Variants in ERBB4 observed in about 807,000 individuals in gnomAD.
ERBB4 encodes erb-b2 receptor tyrosine kinase 4, also known as receptor tyrosine-protein kinase erbB-4.
Under a neutral mutation model 158.0 loss-of-function variants are expected in ERBB4, and 42 were observed. The observed-to-expected ratio is 0.27, with a 90% CI of 0.21 to 0.34. The LOEUF (loss-of-function observed/expected upper bound fraction) is 0.34, where lower values mean the gene tolerates loss of function less well. Among genes scored for constraint, ERBB4 ranks in the 10% least tolerant of loss-of-function variants. The pLI is 1.00. For missense variants in ERBB4, 1,333 were observed against 1,624.1 expected, an observed-to-expected ratio of 0.82 and a Z score of 3.08; for synonymous variants, 583 against 558.7, an observed-to-expected ratio of 1.04 and a Z score of -0.61.
intron 5 of ERBB4, among the ~76,000 whole-genome samples, chr2:211,731,778 A>G (rs1187083416): frequency 6.6e-6 from 1 of 152,178 alleles, no homozygotes. Context: ...AAGCTCACAG[A>G]CCATCCAAGA....
At chr2:211,459,650 C>G (rs1041295557) in intron 20 of ERBB4, among the ~76,000 whole-genome samples, 1 of 152,150 alleles carries the variant, frequency 6.6e-6, no homozygotes, top group African/African-American at 2.4e-5. Context: ...TCTCTCTTTG[C>G]CTGCTGCCAT....
In ERBB4 at chr2:211,379,391, G is replaced by C. The variant is rs1345749757; in HGVS notation, c.*4224C>G. 1 of 228,610 alleles carries C rather than the reference G, an allele frequency of 4.4e-6. No homozygotes were observed. The highest frequency in any genetic ancestry group is 8.7e-6 in the Non-Finnish European group (1 of 115,372). 14.2% of individuals were successfully genotyped at this position (228,610 alleles called of 1,614,324 possible). ...ATACAATTTTCTTTACATTTAAAAA[G>C]TGATAAAGGAATAAGAGAATGAGAA... On this transcript the variant is annotated 3_prime_UTR_variant, in exon 28 of 28. Coordinates refer to ENST00000342788, the MANE Select transcript of ERBB4 (RefSeq NM_005235.3).
At chr2:211,729,753 C>T (rs1282359944) in intron 5 of ERBB4, among the ~76,000 whole-genome samples, 3 of 151,846 alleles carry the variant, frequency 2.0e-5, no homozygotes, top group Non-Finnish European at 2.9e-5. Flanking sequence ...TCTATAGGAA[C>T]ATTAACTTAT....
chr2:211,574,734 T>C (rs572664215), intron 19 of ERBB4, among the ~76,000 whole-genome samples: 1 of 152,280 alleles, frequency 6.6e-6, no homozygotes, highest in South Asian at 2.1e-4. Context: ...AAGAAATAAT[T>C]ATTAACATTC....
At chr2:212,116,874 C>G (rs1176530121) in intron 2 of ERBB4, among the ~76,000 whole-genome samples, 2 of 151,928 alleles carry the variant, frequency 1.3e-5, no homozygotes, top group Non-Finnish European at 2.9e-5. Flanking sequence ...GAAAGAGCAT[C>G]AGAATTTTGA....
intron 2 of ERBB4, among the ~76,000 whole-genome samples, chr2:211,996,686 C>T (rs1050755738): frequency 3.9e-5 from 6 of 152,136 alleles, no homozygotes; most frequent in South Asian, 4.1e-4. Context: ...CTCAGGCCTT[C>T]GGTTTGTTCC....
chr2:212,143,561 C>T (rs1168572814), intron 1 of ERBB4, among the ~76,000 whole-genome samples: 1 of 152,020 alleles, frequency 6.6e-6, no homozygotes, highest in Non-Finnish European at 1.5e-5. Context: ...ACTAGATAGC[C>T]TTACCTTGGT....
intron 1 of ERBB4, among the ~76,000 whole-genome samples, chr2:212,212,779 C>T (rs10197732): frequency 0.56 from 84,360 of 151,800 alleles, 23,647 homozygotes; most frequent in East Asian, 0.76. Context: ...CTACAACCAT[C>T]TGATCTTCAA....
At chr2:212,463,593 CTTA>C (rs1688682096) in intron 1 of ERBB4, among the ~76,000 whole-genome samples, 1 of 151,810 alleles carries the variant, frequency 6.6e-6, no homozygotes, top group Admixed American at 6.6e-5. Flanking sequence ...CCTGAAAAGG[CTTA>C]TTTGATAGTA....
intron 2 of ERBB4, among the ~76,000 whole-genome samples, chr2:211,981,939 T>C (rs2081810521): frequency 6.6e-6 from 1 of 152,194 alleles, no homozygotes; most frequent in Admixed American, 6.5e-5. Flanking sequence ...GCACCAAATT[T>C]CATAAATTCA....
At chr2:211,464,174 T>C (rs769546703) in intron 20 of ERBB4, among the ~76,000 whole-genome samples, 2 of 152,214 alleles carry the variant, frequency 1.3e-5, no homozygotes, top group African/African-American at 4.8e-5. Flanking sequence ...TTGTGATTTC[T>C]CTAATAGAAG....
At chr2:212,371,041 T>C (rs1459796060) in intron 1 of ERBB4, among the ~76,000 whole-genome samples, 3 of 152,172 alleles carry the variant, frequency 2.0e-5, no homozygotes, top group Non-Finnish European at 2.9e-5. Context: ...ACTAGAGATA[T>C]GAGTAAAACA....
chr2:211,552,437 TTTAAG>T (rs1200038817), intron 20 of ERBB4, among the ~76,000 whole-genome samples: 3 of 152,272 alleles, frequency 2.0e-5, no homozygotes, highest in East Asian at 3.9e-4. Flanking sequence ...TTGGAAGAAG[TTTAAG>T]TTGAGTATAC....
chr2:211,482,688 C>T (rs2065114256), intron 20 of ERBB4, among the ~76,000 whole-genome samples: 1 of 152,082 alleles, frequency 6.6e-6, no homozygotes, highest in East Asian at 1.9e-4. Flanking sequence ...GGCGGATCAC[C>T]TGAGGTCGGG....
intron 3 of ERBB4, among the ~76,000 whole-genome samples, chr2:211,837,458 T>G (rs1159403934): frequency 6.6e-6 from 1 of 152,160 alleles, no homozygotes; most frequent in East Asian, 1.9e-4. Context: ...TAAGGTTAGA[T>G]AAAAGGAAAA....
At chr2:211,562,957 G>A (rs1238234720) in intron 19 of ERBB4, among the ~76,000 whole-genome samples, 1 of 151,844 alleles carries the variant, frequency 6.6e-6, no homozygotes, top group Non-Finnish European at 1.5e-5. Flanking sequence ...ATTTTTAGTA[G>A]AGACGGGGTT....
intron 2 of ERBB4, among the ~76,000 whole-genome samples, chr2:211,965,136 C>T (rs182041038): frequency 4.3e-4 from 66 of 152,074 alleles, no homozygotes; most frequent in Admixed American, 1.3e-4. Flanking sequence ...GTGTTGACAG[C>T]GTCGTATCAT....
chr2:211,949,535 T>A (rs839527), intron 2 of ERBB4, among the ~76,000 whole-genome samples: 28,803 of 152,180 alleles, frequency 0.19, 3,079 homozygotes, highest in African/African-American at 0.3. Flanking sequence ...AAAGTTAATA[T>A]CAGTTGTTTC....
At chr2:211,569,185 C>T (rs1265649334) in intron 19 of ERBB4, among the ~76,000 whole-genome samples, 5 of 152,324 alleles carry the variant, frequency 3.3e-5, no homozygotes, top group South Asian at 2.1e-4. Context: ...GGTGGCCATA[C>T]GTTAGATTTA....
Sources: gnomAD v4.1 joint callset for allele counts (sites outside exome capture counted in the v4.1 genomes callset) on GRCh38, gnomAD v4.1.1 for gene constraint, MANE v1.5 for transcripts, NCBI Gene and HGNC (gene_info 2026-07-23, HGNC 2026-07-21) for gene names.